The following CPAMD8 variants were observed in gnomAD, a reference collection of about 807,000 sequenced individuals.
CPAMD8 encodes the protein C3 and PZP like alpha-2-macroglobulin domain containing 8.
In CPAMD8, 146 loss-of-function variants were observed where a neutral mutation model predicts 224.7. That is an observed-to-expected ratio of 0.65 (90% CI 0.57 to 0.75). The LOEUF (loss-of-function observed/expected upper bound fraction) is 0.75. CPAMD8 is among the 30% of genes least tolerant of loss of function. The pLI, the probability that CPAMD8 is intolerant of heterozygous loss-of-function variation, is 0.00. For synonymous variants in CPAMD8, 966 were observed against 1,044.6 expected, an observed-to-expected ratio of 0.92 and a Z score of 1.45; for missense variants, 2,301 against 2,537.5, an observed-to-expected ratio of 0.91 and a Z score of 2.00.
intron 24 of CPAMD8, 39 bp downstream of exon 24, chr19:16,928,903 G>A (rs375460103): frequency 1.3e-6 from 2 of 1,516,128 alleles, no homozygotes; most frequent in Non-Finnish European, 1.8e-6. Flanking sequence ...GGAGGAACAT[G>A]AGGCTTCTGC....
chr19:16,958,803 T>C (rs77072268), intron 18 of CPAMD8, among the ~76,000 whole-genome samples: 2 of 143,648 alleles, frequency 1.4e-5, no homozygotes, highest in Non-Finnish European at 3.1e-5. Flanking sequence ...ACTTTTTTTT[T>C]CTTTTTTTTT....
At chr19:17,016,516 T>A in intron 3 of CPAMD8, among the ~76,000 whole-genome samples, 1 of 152,092 alleles carries the variant, frequency 6.6e-6, no homozygotes, top group East Asian at 1.9e-4. Context: ...ATGCCAGCAC[T>A]TTGGGAGGCT....
rs765815991 is a variant in CPAMD8, at chr19:16,899,453, C to A, written c.4848+22G>T. On this transcript the variant is annotated intron_variant, in intron 37 of 41. Transcript: ENST00000443236. This position sits in a 1 kb window ranked among gnomAD's most constrained non-coding sequence, Gnocchi z 5.4. ...ACATGCACACCAGGGAAGCCTCCTC[C>A]ACCAACCCCGGCTGGTGGTACCTCA... 1.6e-6 allele frequency: 2 copies of A among 1,289,390 alleles called. No individual in the cohort carries two copies. The highest frequency in any genetic ancestry group is 2.3e-6 in the Non-Finnish European group (2 of 884,254). 79.9% of individuals were successfully genotyped at this position (1,289,390 alleles called of 1,614,324 possible).
intron 34 of CPAMD8, 138 bp downstream of exon 34, chr19:16,903,423 C>A: frequency 7.7e-7 from 1 of 1,302,682 alleles, no homozygotes; most frequent in Non-Finnish European, 1.1e-6. Flanking sequence ...TATTAGAAGG[C>A]TGAAAACCTG....
At chr19:17,026,528 C>A in intron 1 of CPAMD8, 23 bp downstream of exon 1, 1 of 1,481,330 alleles carries the variant, frequency 6.8e-7, no homozygotes, top group South Asian at 1.3e-5. Flanking sequence ...GACCGACCTC[C>A]TCTGTCGCCG....
In CPAMD8 at chr19:16,976,118, G is replaced by A. The variant is rs758123694; in HGVS notation, c.1792C>T (p.Pro598Ser). The A allele has an allele frequency of 3.7e-5, 60 of 1,612,314 alleles. No homozygotes were observed. Among genetic ancestry groups the A allele is most frequent in the Non-Finnish European group, 4.7e-5 (55 of 1,179,142 alleles). Residue 598 changes from proline to serine, a missense_variant, in exon 16 of 42, where the codon CCT (proline) becomes TCT (serine). Physicochemically the swap from Pro to Ser is moderately conservative, Grantham distance 74. This residue lies in a region of CPAMD8 where 1,709 missense variants were observed against 1,753.2 expected (regional missense o/e 0.97). Coordinates refer to ENST00000443236, the MANE Select transcript of CPAMD8 (RefSeq NM_015692.5). ...SVTYSANETQ[P>S]GEVVDLRIRA... is the part of the protein sequence containing the mutation. ...ATCCGCAGGTCGACAACCTCCCCAG[G>A]TTGGGTCTCATTTGCTGAATACGTC...
Position 16,898,525 on chromosome 19 carries a change from C to T in CPAMD8, c.4849-531G>A, listed in dbSNP as rs566573568. On this transcript the variant is annotated intron_variant, in intron 37 of 41. Coordinates refer to ENST00000443236, the MANE Select transcript of CPAMD8 (RefSeq NM_015692.5). This position sits in a 1 kb window ranked among gnomAD's most constrained non-coding sequence, Gnocchi z 4.2. ...GTGTGGGTGGGAGTCAGCACATTCA[C>T]GATACTGTGCAATCATCACCTCTGT... 9.9e-5 allele frequency among the ~76,000 whole-genome samples: 15 copies of T among 152,192 alleles called. No individual in the cohort carries two copies. In the South Asian group the frequency reaches 2.1e-3, roughly 21 times the overall value.
At chr19:17,017,811 A>G (rs1048942569) in intron 3 of CPAMD8, among the ~76,000 whole-genome samples, 2 of 152,156 alleles carry the variant, frequency 1.3e-5, no homozygotes, top group African/African-American at 2.4e-5. Flanking sequence ...TGGGCAGATC[A>G]ACTGAGGTCA....
intron 22 of CPAMD8, 28 bp downstream of exon 22, chr19:16,945,521 A>C (rs1473984490): frequency 6.2e-7 from 1 of 1,607,582 alleles, no homozygotes; most frequent in Non-Finnish European, 8.5e-7. Context: ...GCCCTGGCTA[A>C]GCACCAGAGA....
Position 16,897,880 on chromosome 19 carries a change from C to G in CPAMD8, c.4954+9G>C, listed in dbSNP as rs1346174888. ...GGGCCGGGCCGGGGGTGCGGGCGCG[C>G]GGGCCTACCGGGTTCGTAGTAGTCG... On this transcript the variant is annotated intron_variant, in intron 38 of 41. Coordinates refer to ENST00000443236, the MANE Select transcript of CPAMD8 (RefSeq NM_015692.5). The G allele has an allele frequency of 1.9e-6, 3 of 1,600,774 alleles. No individual in the cohort carries two copies. In the South Asian group the frequency reaches 3.3e-5, roughly 18 times the overall value.
intron 18 of CPAMD8, among the ~76,000 whole-genome samples, chr19:16,964,668 A>C (rs575780553): frequency 1.3e-5 from 2 of 152,244 alleles, no homozygotes; most frequent in South Asian, 4.1e-4. Context: ...AAAAGAAGGA[A>C]TCCTCCCTAA....
chr19:16,958,324 A>G (rs1568528774), intron 18 of CPAMD8, among the ~76,000 whole-genome samples: 1 of 151,690 alleles, frequency 6.6e-6, no homozygotes, highest in Non-Finnish European at 1.5e-5. Flanking sequence ...TTTTGTTTCC[A>G]TGTGTTCTCA....
Position 16,997,197 on chromosome 19 carries a change from T to C in CPAMD8, c.1009A>G (p.Thr337Ala). 1 of 1,584,650 alleles carries C rather than the reference T, an allele frequency of 6.3e-7. No homozygotes were observed. The highest frequency in any genetic ancestry group is 8.7e-7 in the Non-Finnish European group (1 of 1,153,776). ...GSQQVAFDDS[T>A]PVQRQLVDIR... ...TCCACCAGCTGCCTCTGCACGGGGG[T>C]GGAGTCATCGAACGCGACCTGCTGG... The change falls in exon 11 of 42, where the codon ACC becomes GCC. Residue 337 changes from threonine (T) to alanine (A), a missense_variant. By Grantham distance (58) the Thr-to-Ala change is moderately conservative. Coordinates refer to ENST00000443236, the MANE Select transcript of CPAMD8 (RefSeq NM_015692.5).
chr19:16,953,864 A>T (rs1167737201), intron 19 of CPAMD8, among the ~76,000 whole-genome samples: 1 of 152,222 alleles, frequency 6.6e-6, no homozygotes, highest in East Asian at 1.9e-4. Context: ...TGACTGATAA[A>T]TACATGAAAG....
At chr19:16,937,443 G>A (rs760087029) in intron 23 of CPAMD8, among the ~76,000 whole-genome samples, 8 of 151,932 alleles carry the variant, frequency 5.3e-5, no homozygotes, top group Admixed American at 1.3e-4. Context: ...GTTCATTCTC[G>A]TGTAAGGTGT....
At chr19:17,020,187 T>G (rs2056918728) in intron 3 of CPAMD8, 144 bp downstream of exon 3, 1 of 667,028 alleles carries the variant, frequency 1.5e-6, no homozygotes, top group Non-Finnish European at 2.7e-6. Context: ...TTGCCCAGGC[T>G]GATCTCGAAC....
chr19:16,906,337 C>CCTTT (rs35867251), intron 30 of CPAMD8, among the ~76,000 whole-genome samples: 1,290 of 81,648 alleles, frequency 0.016, 46 homozygotes, highest in East Asian at 0.056. Context: ...TCCTTCTTTC[C>CCTTT]CTTTCTTTCT....
chr19:17,012,428 G>C (rs545170464), intron 3 of CPAMD8, among the ~76,000 whole-genome samples: 1 of 150,488 alleles, frequency 6.6e-6, no homozygotes, highest in Non-Finnish European at 1.5e-5. Context: ...GCTCACTGCG[G>C]CCTTGGCCTG....
At chr19:16,946,032 T>C (rs2054066156) in intron 21 of CPAMD8, among the ~76,000 whole-genome samples, 2 of 152,212 alleles carry the variant, frequency 1.3e-5, no homozygotes, top group Non-Finnish European at 2.9e-5. Context: ...TGTGTTTGTG[T>C]GTATATGCAT....
Sources: gnomAD v4.1 joint callset for allele counts (sites outside exome capture counted in the v4.1 genomes callset) on GRCh38, gnomAD v4.1.1 for gene constraint, gnomAD v4.1.1 regional missense constraint, Gnocchi (gnomAD v3.1) non-coding constraint, MANE v1.5 for transcripts, NCBI Gene and HGNC (gene_info 2026-07-23, HGNC 2026-07-21) for gene names.